Variants in RTF2 observed in about 807,000 individuals in gnomAD.
The protein encoded by RTF2 is replication termination factor 2.
A neutral mutation model predicts 38.0 loss-of-function variants in RTF2; 18 were observed. The observed-to-expected ratio is 0.47, with a 90% confidence interval of 0.33 to 0.70. The LOEUF is 0.70. RTF2 is among the 30% of genes least tolerant of loss of function. The pLI is 0.02. For missense variants in RTF2, 311 were observed against 379.6 expected (o/e 0.82, Z 1.50); for synonymous variants, 126 against 137.1 (o/e 0.92, Z 0.57).
At chr20:56,485,351 G>C (rs1192995274) in intron 5 of RTF2, among the ~76,000 whole-genome samples, 1 of 152,210 alleles carries the variant, frequency 6.6e-6, no homozygotes, top group African/African-American at 2.4e-5. Context: ...GAAAGTGTGA[G>C]AGTGGAGGGC....
intron 8 of RTF2, among the ~76,000 whole-genome samples, chr20:56,517,646 T>C (rs1282295591): frequency 6.6e-6 from 1 of 152,138 alleles, no homozygotes; most frequent in Non-Finnish European, 1.5e-5. Flanking sequence ...CTCCTAAAAC[T>C]CACTCTCTGT....
chr20:56,478,001 C>G (rs976500928), intron 4 of RTF2, among the ~76,000 whole-genome samples: 1 of 152,162 alleles, frequency 6.6e-6, no homozygotes, highest in African/African-American at 2.4e-5. Context: ...TTAAAAAATA[C>G]GGACGGTTGA....
intron 4 of RTF2, among the ~76,000 whole-genome samples, chr20:56,482,177 C>T (rs1982559095): frequency 6.6e-6 from 1 of 152,216 alleles, no homozygotes; most frequent in South Asian, 2.1e-4. Flanking sequence ...TGTGTATGGT[C>T]ATCCCTTGAT....
chr20:56,472,046 G>A (rs138442176), intron 1 of RTF2, among the ~76,000 whole-genome samples: 267 of 152,260 alleles, frequency 1.8e-3, no homozygotes, highest in African/African-American at 6.3e-3. Context: ...GCAACACAGG[G>A]AGACCTCTTA....
intron 5 of RTF2, among the ~76,000 whole-genome samples, chr20:56,510,064 G>C (rs972518454): frequency 6.6e-6 from 1 of 152,154 alleles, no homozygotes; most frequent in African/African-American, 2.4e-5. Flanking sequence ...AGGATGGAAA[G>C]TAGATTAATG....
intron 5 of RTF2, among the ~76,000 whole-genome samples, chr20:56,490,081 C>G (rs1983026426): frequency 6.6e-6 from 1 of 152,164 alleles, no homozygotes; most frequent in Non-Finnish European, 1.5e-5. Context: ...TTCTGTGGTT[C>G]CTTGATGTTT....
intron 5 of RTF2, among the ~76,000 whole-genome samples, chr20:56,484,730 A>G (rs538278250): frequency 2.0e-5 from 3 of 152,364 alleles, no homozygotes; most frequent in Admixed American, 1.3e-4. Flanking sequence ...ACTAGACATG[A>G]GAGCTAGCCT....
intron 1 of RTF2, chr20:56,472,310 C>G: frequency 7.1e-7 from 1 of 1,399,664 alleles, no homozygotes; most frequent in Non-Finnish European, 9.9e-7. Flanking sequence ...ATGTGCTGTC[C>G]TGTTAAATTA....
chr20:56,474,685 A>G lies in RTF2; in HGVS notation c.172A>G (p.Asn58Asp). 6.2e-7 allele frequency: 1 copy of G among 1,605,390 alleles called. No homozygotes were observed. ...TAATACTTACTATTGCAGACTTTAT[A>G]ACAAAGATGCCGTCATTGAATTTCT... ...IVACELGRLY[N>D]KDAVIEFLLD... The change falls in exon 3 of 9, where the codon AAC becomes GAC. Residue 58 changes from asparagine to aspartate, a missense_variant. Transcript: ENST00000357348.
rs191204126 is a variant in RTF2, at chr20:56,482,794, G to A, written c.399-1317G>A. On this transcript the variant is annotated intron_variant, in intron 4 of 8. Transcript: ENST00000357348. ...TGGCATTTTTCAAGGAATGCCTAAAGTGAAATATGAAAGTGCTTTATGCTG... is the reference window on the plus strand; with the variant it reads ...TGGCATTTTTCAAGGAATGCCTAAAATGAAATATGAAAGTGCTTTATGCTG... Among the ~76,000 whole-genome samples the A allele has an allele frequency of 7.9e-5, 12 of 152,308 alleles. No homozygotes were observed. The East Asian group carries it at 2.3e-3, about 29-fold the overall frequency.
At chr20:56,477,446 C>T (rs1009464832) in intron 4 of RTF2, among the ~76,000 whole-genome samples, 2 of 152,180 alleles carry the variant, frequency 1.3e-5, no homozygotes, top group African/African-American at 4.8e-5. Flanking sequence ...TCATCTTTTC[C>T]TGTGGGACAG....
chr20:56,497,709 C>G (rs1983646889), intron 5 of RTF2: 2 of 846,930 alleles, frequency 2.4e-6, no homozygotes, highest in African/African-American at 3.6e-5. Context: ...TTGTAATTCT[C>G]CCCCCCAACT....
intron 5 of RTF2, among the ~76,000 whole-genome samples, chr20:56,499,150 A>G (rs1983751147): frequency 6.6e-6 from 1 of 151,850 alleles, no homozygotes; most frequent in Non-Finnish European, 1.5e-5. Context: ...ATGGAACCTT[A>G]CAGCCTAATT....
chr20:56,474,221 C>T (rs1982120144), intron 2 of RTF2, among the ~76,000 whole-genome samples: 1 of 152,226 alleles, frequency 6.6e-6, no homozygotes. Context: ...TGGCTCATGC[C>T]TGTGATCCCA....
chr20:56,488,536 G>C (rs545154094), intron 5 of RTF2, among the ~76,000 whole-genome samples: 3 of 152,300 alleles, frequency 2.0e-5, no homozygotes, highest in Admixed American at 6.5e-5. Flanking sequence ...TTTCATGGAG[G>C]GGGTGGAGTA....
chr20:56,479,881 T>C (rs1982441937), intron 4 of RTF2, among the ~76,000 whole-genome samples: 1 of 149,496 alleles, frequency 6.7e-6, no homozygotes, highest in African/African-American at 2.5e-5. Flanking sequence ...CCGTAAGCCA[T>C]GTTATAGACA....
At chr20:56,486,094 ATC>A (rs1568696489) in intron 5 of RTF2, among the ~76,000 whole-genome samples, 1 of 152,134 alleles carries the variant, frequency 6.6e-6, no homozygotes, top group Admixed American at 6.5e-5. Flanking sequence ...GGTACTGGGT[ATC>A]TCTGTAAGGC....
At chr20:56,470,932 A>C (rs1981926659) in intron 1 of RTF2, 1 of 234,342 alleles carries the variant, frequency 4.3e-6, no homozygotes, top group Non-Finnish European at 9.1e-6. Context: ...TTTGTAATAA[A>C]TCAGCAATGG....
At chr20:56,490,648 C>T (rs1422766335) in intron 5 of RTF2, among the ~76,000 whole-genome samples, 1 of 152,150 alleles carries the variant, frequency 6.6e-6, no homozygotes, top group Non-Finnish European at 1.5e-5. Flanking sequence ...CACCGCGTCT[C>T]TAGTAAAAAT....
Sources: gnomAD v4.1 joint callset for allele counts (sites outside exome capture counted in the v4.1 genomes callset) on GRCh38, gnomAD v4.1.1 for gene constraint, MANE v1.5 for transcripts, NCBI Gene and HGNC (gene_info 2026-07-23, HGNC 2026-07-21) for gene names.